Variants in ZFPM1 observed in about 807,000 individuals in gnomAD.
ZFPM1 encodes zinc finger protein, FOG family member 1, also known as zinc finger protein ZFPM1.
In ZFPM1, 28 loss-of-function variants were observed where a neutral mutation model predicts 46.3. That is an observed-to-expected ratio of 0.60 (90% CI 0.45 to 0.83). The LOEUF is 0.83. Among genes scored for constraint, ZFPM1 ranks in the 40% least tolerant of loss-of-function variants. The pLI is 0.00. For missense variants in ZFPM1, 1,878 were observed against 1,432.4 expected (o/e 1.31, Z -5.02); for synonymous variants, 957 against 675.9 (o/e 1.42, Z -6.45).
At chr16:88,491,092 G>A (rs1045273156) in intron 3 of ZFPM1, among the ~76,000 whole-genome samples, 2 of 151,458 alleles carry the variant, frequency 1.3e-5, no homozygotes, top group Non-Finnish European at 2.9e-5. Context: ...CCAGTCAGGC[G>A]CTGGTGCCTT....
intron 1 of ZFPM1, among the ~76,000 whole-genome samples, chr16:88,458,318 C>T (rs1907647237): frequency 6.6e-6 from 1 of 152,190 alleles, no homozygotes; most frequent in Non-Finnish European, 1.5e-5. Flanking sequence ...AGATGGCCTC[C>T]TTCCTAAGAC....
At chr16:88,485,868 C>T in intron 1 of ZFPM1, 71 bp from the exon 2 acceptor site, 1 of 1,465,492 alleles carries the variant, frequency 6.8e-7, no homozygotes, top group South Asian at 1.2e-5. Context: ...GTACCTATGC[C>T]AGGAGGGGTC....
chr16:88,510,161 C>T (rs1225707697), intron 3 of ZFPM1, among the ~76,000 whole-genome samples: 1 of 152,202 alleles, frequency 6.6e-6, no homozygotes, highest in African/African-American at 2.4e-5. Context: ...CTGGCACCCC[C>T]TTCTCCATAT....
chr16:88,474,153 G>A (rs1345064888), intron 1 of ZFPM1, among the ~76,000 whole-genome samples: 5 of 152,192 alleles, frequency 3.3e-5, no homozygotes, highest in East Asian at 1.9e-4. Flanking sequence ...CCTATCAGCC[G>A]GGCTGGGCTT....
At position 88,479,695 on chromosome 16, in the gene ZFPM1, AC is replaced by A. The variant is rs533841401; in HGVS notation, c.41-6235del. Among the ~76,000 whole-genome samples, 30 of 136,012 alleles carry A rather than the reference AC, an allele frequency of 2.2e-4. No individual in the cohort carries two copies. In the Middle Eastern group the frequency reaches 0.012, roughly 52 times the overall value. The allele number at this position is 136,012 out of a possible 152,430, so 89.2% of individuals were successfully genotyped here. On this transcript the variant is annotated intron_variant, in intron 1 of 9. Coordinates refer to ENST00000319555, the MANE Select transcript of ZFPM1 (RefSeq NM_153813.3). ...GGTTCTCCCTCCTGGCAATGCTGTG[AC>A]CCCCCCCCACCCACCTGCTACCCAG...
chr16:88,474,614 C>T (rs933463802), intron 1 of ZFPM1, among the ~76,000 whole-genome samples: 5 of 152,040 alleles, frequency 3.3e-5, no homozygotes, highest in Non-Finnish European at 5.9e-5. Context: ...GCTCTCTGCC[C>T]GGAGCTCTTC....
At chr16:88,453,121 C>A (rs1907352340), upstream of ZFPM1, among the ~76,000 whole-genome samples, 1 of 142,792 alleles carries the variant, frequency 7.0e-6, no homozygotes, top group South Asian at 2.2e-4. Context: ...GCCAGAGCAA[C>A]GAAGAGCCGG....
upstream of ZFPM1, among the ~76,000 whole-genome samples, chr16:88,452,605 C>T (rs145981469): frequency 2.4e-3 from 370 of 152,386 alleles, no homozygotes; most frequent in Non-Finnish European, 2.8e-3. Flanking sequence ...CCGCTCCACA[C>T]CCCAAGTCTG....
Position 88,533,219 on chromosome 16 carries a change from G to T in ZFPM1, c.1261G>T (p.Ala421Ser). ...GPLASADLGL[A>S]PTPSPGLDRK... ...CCTGGCCTCCGCGGACCTGGGCCTG[G>T]CGCCCACCCCATCGCCAGGACTGGA... Residue 421 changes from alanine to serine, a missense_variant, in exon 10 of 10, where the codon GCG (alanine) becomes TCG (serine). Transcript: ENST00000319555. 6.4e-7 allele frequency: 1 copy of T among 1,562,576 alleles called. No homozygotes were observed. The highest frequency in any genetic ancestry group is 8.6e-7 in the Non-Finnish European group (1 of 1,162,172).
Position 88,486,052 on chromosome 16 carries a change from G to T in ZFPM1, c.145+9G>T. On this transcript the variant is annotated intron_variant, in intron 2 of 9. Transcript: ENST00000319555. ...GAGCCCTCCCAGCGCAGGTGAGTCA[G>T]ACTGAGCCCTCTCACCGCGCCTCCA... 1 of 1,609,570 alleles carries T rather than the reference G, an allele frequency of 6.2e-7. No homozygotes were observed. Among genetic ancestry groups the T allele is most frequent in the Non-Finnish European group, 8.5e-7 (1 of 1,178,818 alleles).
At chr16:88,457,817 A>G (rs919704532) in intron 1 of ZFPM1, among the ~76,000 whole-genome samples, 1 of 152,060 alleles carries the variant, frequency 6.6e-6, no homozygotes, top group African/African-American at 2.4e-5. Flanking sequence ...AGAGGGAATT[A>G]GAGATCGGGA....
chr16:88,532,478 G>A (rs1437030839), intron 7 of ZFPM1, 136 bp from the exon 8 acceptor site: 2 of 944,192 alleles, frequency 2.1e-6, no homozygotes, highest in Non-Finnish European at 3.1e-6. Context: ...GGAGGAGGAG[G>A]AGGAGGGGTT....
At chr16:88,507,101 G>T (rs1910704543) in intron 3 of ZFPM1, among the ~76,000 whole-genome samples, 1 of 152,212 alleles carries the variant, frequency 6.6e-6, no homozygotes, top group Non-Finnish European at 1.5e-5. Flanking sequence ...CTACCCAAGG[G>T]GTGGGATTCA....
chr16:88,533,848 C>T lies in ZFPM1; in HGVS notation c.1890C>T (p.Ala630=), dbSNP rs2142497904. The change falls in exon 10 of 10, where the codon GCC becomes GCT. Residue 630 remains alanine (A), a synonymous_variant. Coordinates refer to ENST00000319555, the MANE Select transcript of ZFPM1 (RefSeq NM_153813.3). ...GPARAPPGQP[A]EPDAPRSSPG... The stretch of plus-strand genomic sequence containing the variant: ...CCCGCGCGCCCCCCGGCCAGCCCGC[C>T]GAACCCGACGCGCCGCGCTCGTCCC... 1.0e-6 allele frequency: 1 copy of T among 984,972 alleles called. No individual in the cohort carries two copies. The highest frequency in any genetic ancestry group is 1.1e-4 in the East Asian group (1 of 8,804). 61.0% of individuals were successfully genotyped at this position (984,972 alleles called of 1,614,324 possible).
intron 6 of ZFPM1, among the ~76,000 whole-genome samples, 199 bp from the exon 7 acceptor site, chr16:88,531,803 C>T (rs1912804402): frequency 6.6e-6 from 1 of 152,206 alleles, no homozygotes; most frequent in Non-Finnish European, 1.5e-5. Flanking sequence ...TCCCAGGGCT[C>T]CTGGGATCTA....
At position 88,480,661 on chromosome 16, in the gene ZFPM1, G is replaced by C. The variant is rs1171686157; in HGVS notation, c.41-5278G>C. ...CATCTCAAACACTGAGCCGGAGCAG[G>C]GTGCTCCCTGGGCCAGGGCCCTGGT... On this transcript the variant is annotated intron_variant, in intron 1 of 9. Transcript: ENST00000319555. This position sits in a 1 kb window ranked among gnomAD's most constrained non-coding sequence, Gnocchi z 4.9. Among the ~76,000 whole-genome samples the C allele has an allele frequency of 1.3e-5, 2 of 152,228 alleles. No individual in the cohort carries two copies. Among genetic ancestry groups the C allele is most frequent in the East Asian group, 3.9e-4 (2 of 5,190 alleles).
At chr16:88,475,517 G>T (rs890966540) in intron 1 of ZFPM1, among the ~76,000 whole-genome samples, 6 of 151,930 alleles carry the variant, frequency 3.9e-5, no homozygotes, top group Non-Finnish European at 1.5e-5. Context: ...GGGGTCCGGG[G>T]GGGGGAGCAC....
At chr16:88,522,934 G>A (rs1041564438) in intron 4 of ZFPM1, among the ~76,000 whole-genome samples, 6 of 151,850 alleles carry the variant, frequency 4.0e-5, no homozygotes, top group African/African-American at 1.5e-4. Flanking sequence ...GGCCAGGCGC[G>A]GTGGTTCACG....
At position 88,476,111 on chromosome 16, in the gene ZFPM1, A is replaced by T. The variant is rs140851752; in HGVS notation, c.41-9828A>T. Among the ~76,000 whole-genome samples, 786 of 152,166 alleles carry T rather than the reference A, an allele frequency of 5.2e-3. 5 individuals are homozygous for T. Among genetic ancestry groups the T allele is most frequent in the African/African-American group, 0.018 (745 of 41,532 alleles). On this transcript the variant is annotated intron_variant, in intron 1 of 9. Transcript: ENST00000319555. ...CTCAGACCCCACAGGGGCAGGTAGC[A>T]GGGCACCTTGCCATGGGCACCTTCG...
Sources: gnomAD v4.1 joint callset for allele counts (sites outside exome capture counted in the v4.1 genomes callset) on GRCh38, gnomAD v4.1.1 for gene constraint, Gnocchi (gnomAD v3.1) non-coding constraint, MANE v1.5 for transcripts, NCBI Gene and HGNC (gene_info 2026-07-23, HGNC 2026-07-21) for gene names.